Variants in IMMP2L observed in about 807,000 individuals in gnomAD.
The protein encoded by IMMP2L is inner mitochondrial membrane peptidase subunit 2, also known as mitochondrial inner membrane protease subunit 2.
IMMP2L carries 18 observed loss-of-function variants against 19.3 expected under a neutral mutation model. The ratio of observed to expected loss-of-function variants is 0.93; its 90% CI spans 0.64 to 1.38. The LOEUF (loss-of-function observed/expected upper bound fraction) is 1.38, where lower values mean the gene tolerates loss of function less well. IMMP2L is among the 40% of genes most tolerant of loss of function. IMMP2L has a pLI of 0.00. For missense variants in IMMP2L, 233 were observed against 218.2 expected (o/e 1.07, Z -0.43); for synonymous variants, 76 against 73.0 (o/e 1.04, Z -0.21).
Position 110,864,602 on chromosome 7 carries a change from G to T in IMMP2L, c.408+21991C>A, listed in dbSNP as rs565336287. ...ATCAAAATCACCCTGAAGAAACACA[G>T]AGTGCAAAAAGGGTTATTTCTTATT... On this transcript the variant is annotated intron_variant, in intron 5 of 5. Coordinates refer to ENST00000405709, the MANE Select transcript of IMMP2L (RefSeq NM_032549.4). 3.9e-5 allele frequency among the ~76,000 whole-genome samples: 6 copies of T among 152,078 alleles called. No individual in the cohort carries two copies. In the East Asian group the frequency reaches 1.2e-3, roughly 29 times the overall value.
intron 1 of IMMP2L, among the ~76,000 whole-genome samples, chr7:111,538,632 C>CT (rs1405193073): frequency 3.6e-5 from 4 of 112,514 alleles, no homozygotes; most frequent in Admixed American, 8.7e-5. Context: ...GACCCTGTCT[C>CT]TAAAAAAAAA....
chr7:111,358,894 C>T (rs142936390), intron 3 of IMMP2L, among the ~76,000 whole-genome samples: 1 of 152,040 alleles, frequency 6.6e-6, no homozygotes, highest in African/African-American at 2.4e-5. Flanking sequence ...TAATCATTGT[C>T]GACATACTAT....
chr7:110,821,709 G>A (rs546167311), intron 5 of IMMP2L, among the ~76,000 whole-genome samples: 9 of 152,028 alleles, frequency 5.9e-5, no homozygotes, highest in African/African-American at 1.7e-4. Flanking sequence ...TCAGGAGATC[G>A]AGAACATCCT....
chr7:110,919,828 C>A (rs1016237193), intron 4 of IMMP2L, among the ~76,000 whole-genome samples: 1 of 152,146 alleles, frequency 6.6e-6, no homozygotes, highest in East Asian at 1.9e-4. Flanking sequence ...GAGGGTGTTG[C>A]CGAAGGAGAT....
In IMMP2L at chr7:111,305,439, C is replaced by G. The variant is rs145478283; in HGVS notation, c.239+181799G>C. Among the ~76,000 whole-genome samples, 456 of 152,176 alleles carry G rather than the reference C, an allele frequency of 3.0e-3. 1 individual carries two copies. The highest frequency in any genetic ancestry group is 0.01 in the African/African-American group (432 of 41,528). ...CGCCTCCCAAGTTCAAGTGATTCTC[C>G]CGCCTCAGCCTCCTGAGTGGCTGGG... On this transcript the variant is annotated intron_variant, in intron 3 of 5. Coordinates refer to ENST00000405709, the MANE Select transcript of IMMP2L (RefSeq NM_032549.4).
Position 110,814,708 on chromosome 7 carries a change from T to C in IMMP2L, c.408+71885A>G, listed in dbSNP as rs189519240. Among the ~76,000 whole-genome samples the C allele has an allele frequency of 6.5e-4, 97 of 148,722 alleles. 2 individuals are homozygous for C. Among genetic ancestry groups the C allele is most frequent in the African/African-American group, 2.3e-3 (95 of 40,940 alleles). ...ACAATTGGTCAAGTACAGATATATA[T>C]ATATATATATGTATATATATAAAAT... On this transcript the variant is annotated intron_variant, in intron 5 of 5. Transcript: ENST00000405709.
intron 3 of IMMP2L, among the ~76,000 whole-genome samples, chr7:111,393,630 C>T (rs113814685): frequency 0.02 from 3,071 of 152,206 alleles, 108 homozygotes; most frequent in African/African-American, 0.07. Flanking sequence ...CTAGAAAGAA[C>T]ACTCCCCAAG....
At chr7:111,028,785 G>A (rs1032557567) in intron 3 of IMMP2L, among the ~76,000 whole-genome samples, 1 of 151,972 alleles carries the variant, frequency 6.6e-6, no homozygotes, top group Non-Finnish European at 1.5e-5. Context: ...TAAAGAAAAG[G>A]TTATGTATTT....
intron 4 of IMMP2L, among the ~76,000 whole-genome samples, chr7:110,920,072 C>T (rs1814091435): frequency 6.6e-6 from 1 of 152,122 alleles, no homozygotes; most frequent in Non-Finnish European, 1.5e-5. Context: ...GCCAGGGGCT[C>T]TTGGGCCTTT....
At chr7:110,822,589 T>C (rs1803134296) in intron 5 of IMMP2L, among the ~76,000 whole-genome samples, 1 of 152,140 alleles carries the variant, frequency 6.6e-6, no homozygotes, top group African/African-American at 2.4e-5. Flanking sequence ...TTCCTGAATA[T>C]AGTACCTTTC....
At chr7:110,999,409 C>G (rs1171920554) in intron 3 of IMMP2L, among the ~76,000 whole-genome samples, 1 of 110,994 alleles carries the variant, frequency 9.0e-6, no homozygotes, top group Non-Finnish European at 1.9e-5. Context: ...ATATTTTTTT[C>G]TGTTTGTCTT....
intron 3 of IMMP2L, among the ~76,000 whole-genome samples, chr7:111,105,180 T>G (rs1286646753): frequency 6.6e-6 from 1 of 151,874 alleles, no homozygotes; most frequent in African/African-American, 2.4e-5. Context: ...GAAGTGCCCT[T>G]TAAAAATTAA....
intron 3 of IMMP2L, among the ~76,000 whole-genome samples, chr7:111,445,570 C>A (rs1190426259): frequency 6.6e-6 from 1 of 152,182 alleles, no homozygotes; most frequent in Admixed American, 6.5e-5. Context: ...AATTCAAGCA[C>A]GTTCTCTAAG....
chr7:110,921,201 T>C (rs1814237866), intron 4 of IMMP2L, among the ~76,000 whole-genome samples: 1 of 152,194 alleles, frequency 6.6e-6, no homozygotes, highest in Admixed American at 6.6e-5. Context: ...CTCTGACAAA[T>C]AGTAGCTACA....
intron 3 of IMMP2L, among the ~76,000 whole-genome samples, chr7:111,028,371 T>TCC (rs1827074283): frequency 6.6e-6 from 1 of 152,076 alleles, no homozygotes; most frequent in East Asian, 1.9e-4. Flanking sequence ...CCTTGGACTC[T>TCC]CCCACATTCT....
chr7:111,476,002 ATCCTG>A (rs1841687513), intron 3 of IMMP2L, among the ~76,000 whole-genome samples: 1 of 152,138 alleles, frequency 6.6e-6, no homozygotes, highest in Middle Eastern at 3.2e-3. Context: ...GTTTTCTGAT[ATCCTG>A]AGGGATTAAT....
At chr7:110,938,293 GC>G (rs1816340773) in intron 4 of IMMP2L, among the ~76,000 whole-genome samples, 1 of 152,042 alleles carries the variant, frequency 6.6e-6, no homozygotes, top group African/African-American at 2.4e-5. Flanking sequence ...AACAATGTCC[GC>G]AAATGCCTCC....
intron 3 of IMMP2L, among the ~76,000 whole-genome samples, chr7:111,173,683 T>G (rs551662320): frequency 6.6e-6 from 1 of 151,628 alleles, no homozygotes; most frequent in Non-Finnish European, 1.5e-5. Context: ...TTCCAATCCC[T>G]AGTAAAACAG....
At chr7:111,102,155 T>A (rs1289177436) in intron 3 of IMMP2L, among the ~76,000 whole-genome samples, 1 of 151,536 alleles carries the variant, frequency 6.6e-6, no homozygotes, top group Non-Finnish European at 1.5e-5. Context: ...TTAGGTCACT[T>A]GTTCAAAGTG....
Sources: allele counts gnomAD v4.1 joint callset (sites outside exome capture counted in the v4.1 genomes callset), GRCh38; gene constraint gnomAD v4.1.1; transcripts MANE v1.5; gene names NCBI Gene and HGNC (gene_info 2026-07-23, HGNC 2026-07-21).